The following PDE8A variants were observed in gnomAD, a reference collection of about 807,000 sequenced individuals.
PDE8A encodes the protein high affinity cAMP-specific and IBMX-insensitive 3',5'-cyclic phosphodiesterase 8A.
A neutral mutation model predicts 105.0 loss-of-function variants in PDE8A; 59 were observed. That is an observed-to-expected ratio of 0.56 (90% CI 0.46 to 0.70). The LOEUF is 0.70. PDE8A is among the 30% of genes least tolerant of loss of function. The pLI is 0.00. For synonymous variants in PDE8A, 355 were observed against 371.9 expected (o/e 0.95, Z 0.52); for missense variants, 1,014 against 1,045.9 (o/e 0.97, Z 0.42).
intron 3 of PDE8A, 30 bp downstream of exon 3, chr15:85,067,234 C>T (rs368024539): frequency 9.3e-6 from 14 of 1,507,656 alleles, no homozygotes; most frequent in Non-Finnish European, 1.2e-5. Flanking sequence ...CTAAATAGTC[C>T]CATTGGCCTT....
chr15:85,127,878 C>T (rs1245283247), intron 20 of PDE8A, among the ~76,000 whole-genome samples: 1 of 151,936 alleles, frequency 6.6e-6, no homozygotes, highest in Non-Finnish European at 1.5e-5. Flanking sequence ...GGAAGATATG[C>T]CCTGTTTGGC....
At chr15:85,108,380 T>G (rs2081975323) in intron 11 of PDE8A, among the ~76,000 whole-genome samples, 1 of 152,130 alleles carries the variant, frequency 6.6e-6, no homozygotes, top group Non-Finnish European at 1.5e-5. Context: ...CCTAGTTTCC[T>G]TGTCTGTGAA....
chr15:85,092,872 G>A (rs1357515520), intron 8 of PDE8A, among the ~76,000 whole-genome samples: 22 of 151,782 alleles, frequency 1.4e-4, no homozygotes, highest in Admixed American at 9.8e-4. Flanking sequence ...CTTATTGTGA[G>A]CAAGGAATAG....
At chr15:85,061,474 A>T (rs1302932586) in intron 1 of PDE8A, among the ~76,000 whole-genome samples, 1 of 152,032 alleles carries the variant, frequency 6.6e-6, no homozygotes, top group Non-Finnish European at 1.5e-5. Flanking sequence ...TCCTGGCCTC[A>T]GGTGATCTGT....
At chr15:85,021,436 G>T (rs2080424953) in intron 1 of PDE8A, among the ~76,000 whole-genome samples, 1 of 151,896 alleles carries the variant, frequency 6.6e-6, no homozygotes, top group Admixed American at 6.6e-5. Context: ...CTAGCTACTG[G>T]GGTTGGGGGT....
chr15:85,097,919 G>A, intron 8 of PDE8A, 29 bp from the exon 9 acceptor site: 1 of 1,220,534 alleles, frequency 8.2e-7, no homozygotes, highest in Non-Finnish European at 1.2e-6. Context: ...TCAACACAAA[G>A]TATGACGATG....
At chr15:85,042,924 G>A (rs1327133452) in intron 1 of PDE8A, among the ~76,000 whole-genome samples, 1 of 152,172 alleles carries the variant, frequency 6.6e-6, no homozygotes, top group East Asian at 1.9e-4. Flanking sequence ...GGGAACTGTG[G>A]GTGATTCTAG....
intron 1 of PDE8A, among the ~76,000 whole-genome samples, chr15:85,044,974 C>T (rs1282632851): frequency 6.6e-6 from 1 of 151,848 alleles, no homozygotes; most frequent in Non-Finnish European, 1.5e-5. Flanking sequence ...TTTGTATGGC[C>T]CCTGCTTAGC....
chr15:85,035,265 A>G (rs439313), intron 1 of PDE8A, among the ~76,000 whole-genome samples: 77,259 of 141,710 alleles, frequency 0.55, 20,781 homozygotes, highest in East Asian at 0.58. Flanking sequence ...CTGGAGTGCA[A>G]TGGCACAATC....
chr15:84,991,227 A>T (rs778647903), intron 1 of PDE8A, among the ~76,000 whole-genome samples: 11 of 152,220 alleles, frequency 7.2e-5, no homozygotes, highest in South Asian at 4.1e-4. Flanking sequence ...GCAGACTGGA[A>T]GAAGACATTT....
At chr15:85,067,570 C>T (rs998770848) in intron 3 of PDE8A, among the ~76,000 whole-genome samples, 10 of 152,076 alleles carry the variant, frequency 6.6e-5, no homozygotes, top group African/African-American at 2.4e-4. Flanking sequence ...GATGAATGGG[C>T]TTTATTTATT....
intron 1 of PDE8A, among the ~76,000 whole-genome samples, chr15:85,056,667 T>C (rs1362963980): frequency 2.0e-5 from 3 of 152,198 alleles, no homozygotes; most frequent in African/African-American, 4.8e-5. Flanking sequence ...CATCAGGTCA[T>C]TTAAGGTATT....
intron 3 of PDE8A, among the ~76,000 whole-genome samples, 158 bp downstream of exon 3, chr15:85,067,362 A>G (rs551112850): frequency 3.6e-4 from 55 of 152,332 alleles, no homozygotes; most frequent in African/African-American, 1.3e-3. Flanking sequence ...GGACTGATGC[A>G]TATCTCTTTT....
rs76817958 is a variant in PDE8A at position 85,069,523 on chromosome 15, G to A, written c.434+2319G>A. Among the ~76,000 whole-genome samples, 906 of 152,230 alleles carry A rather than the reference G, an allele frequency of 6.0e-3. 7 individuals are homozygous for A. The highest frequency in any genetic ancestry group is 0.021 in the African/African-American group (866 of 41,526). On this transcript the variant is annotated intron_variant, in intron 3 of 21. Coordinates refer to ENST00000394553, the MANE Select transcript of PDE8A (RefSeq NM_002605.3). ...CCAGACATCTTTCCTTTTCTGAACT[G>A]AGCACACCCTTACTGCTATGAGTGG...
chr15:85,058,881 A>T (rs919007583), intron 1 of PDE8A, among the ~76,000 whole-genome samples: 2 of 151,950 alleles, frequency 1.3e-5, no homozygotes, highest in Non-Finnish European at 2.9e-5. Flanking sequence ...TGTATTATCT[A>T]TTCTCTATTG....
At chr15:85,023,524 G>C (rs567152354) in intron 1 of PDE8A, among the ~76,000 whole-genome samples, 1 of 152,284 alleles carries the variant, frequency 6.6e-6, no homozygotes, top group Admixed American at 6.5e-5. Context: ...TACAGAACTG[G>C]GGAGGTGGGA....
At chr15:85,083,899 CTGCATA>C (rs781372470) in intron 6 of PDE8A, among the ~76,000 whole-genome samples, 27 of 152,278 alleles carry the variant, frequency 1.8e-4, no homozygotes, top group Non-Finnish European at 3.8e-4. Flanking sequence ...AGAATACAAA[CTGCATA>C]TGCTGGATTA....
intron 1 of PDE8A, among the ~76,000 whole-genome samples, chr15:85,030,552 C>T (rs890349640): frequency 6.6e-6 from 1 of 152,162 alleles, no homozygotes; most frequent in Non-Finnish European, 1.5e-5. Context: ...GCTTGCCTGG[C>T]TGCAGCACTG....
chr15:85,019,309 G>T (rs1316543247), intron 1 of PDE8A, among the ~76,000 whole-genome samples: 1 of 152,216 alleles, frequency 6.6e-6, no homozygotes, highest in Non-Finnish European at 1.5e-5. Context: ...GGTGAAAAAT[G>T]TGAGGGATTT....
Sources: allele counts gnomAD v4.1 joint callset (sites outside exome capture counted in the v4.1 genomes callset), GRCh38; gene constraint gnomAD v4.1.1; transcripts MANE v1.5; gene names NCBI Gene and HGNC (gene_info 2026-07-23, HGNC 2026-07-21).